Variants in KPNA7 observed in about 807,000 individuals in gnomAD.
KPNA7 encodes importin subunit alpha-8.
In KPNA7, 54 loss-of-function variants were observed where a neutral mutation model predicts 53.7. The observed-to-expected ratio is 1.01, with a 90% CI of 0.81 to 1.26. The LOEUF is 1.26. Ranked by LOEUF, KPNA7 falls within the 50% of genes most tolerant of loss-of-function variation. The probability of loss-of-function intolerance (pLI) is 0.00; values close to 1 mark genes in which losing one functional copy is unlikely to be tolerated. For missense variants in KPNA7, 640 were observed against 644.5 expected, an observed-to-expected ratio of 0.99 and a Z score of 0.07; for synonymous variants, 276 against 259.3, an observed-to-expected ratio of 1.06 and a Z score of -0.62.
At chr7:99,195,004 A>G in intron 5 of KPNA7, 66 bp downstream of exon 5, 1 of 1,500,670 alleles carries the variant, frequency 6.7e-7, no homozygotes, top group Non-Finnish European at 9.0e-7. Flanking sequence ...CCACCACCCA[A>G]AGAAACCTTA....
At chr7:99,167,443 T>C in the KPNA7 span, among the ~76,000 whole-genome samples, 1 of 152,094 alleles carries the variant, frequency 6.6e-6, no homozygotes, top group African/African-American at 2.4e-5. Flanking sequence ...GAACTGTACA[T>C]GCAAGGGATC....
chr7:99,190,265 A>G (rs1197810153), intron 6 of KPNA7, among the ~76,000 whole-genome samples: 1 of 148,318 alleles, frequency 6.7e-6, no homozygotes, highest in Non-Finnish European at 1.5e-5. Flanking sequence ...TGAACCCAGG[A>G]GGCGGAGGTT....
intron 2 of KPNA7, among the ~76,000 whole-genome samples, chr7:99,206,206 G>C (rs752996786): frequency 2.6e-5 from 4 of 152,174 alleles, no homozygotes; most frequent in Admixed American, 6.5e-5. Context: ...CTGTCGCCTG[G>C]ATGGAGTGCA....
Position 99,184,154 on chromosome 7 carries a change from CTTT to C in KPNA7, c.1134+772_1134+774del, listed in dbSNP as rs34193595. Among the ~76,000 whole-genome samples the C allele has an allele frequency of 3.2e-3, 402 of 125,204 alleles. 3 individuals are homozygous for C. Among genetic ancestry groups the C allele is most frequent in the Non-Finnish European group, 1.9e-3 (118 of 62,180 alleles). The allele number at this position is 125,204 out of a possible 152,430, so 82.1% of individuals were successfully genotyped here. On this transcript the variant is annotated intron_variant, in intron 8 of 10. Coordinates refer to ENST00000327442, the MANE Select transcript of KPNA7 (RefSeq NM_001145715.3). ...ATAAGCCACTGTGCCTGCCCACAACCTTTTTTTTTTTTTTTTTTGAGACAGGGT... is the reference window on the plus strand; with the variant it reads ...ATAAGCCACTGTGCCTGCCCACAACCTTTTTTTTTTTTTTTGAGACAGGGT...
intron 9 of KPNA7, among the ~76,000 whole-genome samples, chr7:99,180,182 C>T (rs533738474): frequency 1.2e-4 from 19 of 152,156 alleles, no homozygotes; most frequent in Admixed American, 3.3e-4. Flanking sequence ...AGTGACTTCC[C>T]GGTCATCGTG....
the KPNA7 span, among the ~76,000 whole-genome samples, chr7:99,160,102 GC>G: frequency 7.5e-6 from 1 of 133,060 alleles, no homozygotes. Context: ...CTGGCTCACT[GC>G]AAGCTCCGCC....
chr7:99,210,240 C>T (rs1791029359), upstream of KPNA7, among the ~76,000 whole-genome samples: 5 of 152,128 alleles, frequency 3.3e-5, no homozygotes, highest in Admixed American at 3.3e-4. Context: ...AGCTGCTCTG[C>T]CCAGGATCTC....
chr7:99,175,388 G>A (rs998526350), intron 10 of KPNA7, among the ~76,000 whole-genome samples: 1 of 152,076 alleles, frequency 6.6e-6, no homozygotes, highest in Non-Finnish European at 1.5e-5. Context: ...GTGTTGCCCA[G>A]GCTGGTCTCG....
At position 99,188,407 on chromosome 7, in the gene KPNA7, G is replaced by A. The variant is rs2150734653; in HGVS notation, c.793C>T (p.Leu265=). Residue 265 remains leucine, a synonymous_variant, in exon 7 of 11, where the codon CTG becomes TTG. Transcript: ENST00000327442. ...SEVLSDACWA[L]SYLTDGSNKR... ...TTGGAGCCGTCGGTGAGGTAGGACA[G>A]TGCCCAGCAGGCATCCGAGAGAACC... The A allele has an allele frequency of 6.4e-7, 1 of 1,551,674 alleles. No homozygotes were observed. The highest frequency in any genetic ancestry group is 2.4e-5 in the East Asian group (1 of 40,912).
intron 6 of KPNA7, among the ~76,000 whole-genome samples, chr7:99,189,861 G>C (rs1170668085): frequency 3.9e-5 from 6 of 152,058 alleles, no homozygotes; most frequent in Non-Finnish European, 8.8e-5. Context: ...CAAAATGCTG[G>C]GATTACAGAC....
rs746637129 is a variant in KPNA7, at chr7:99,203,122, G to GT, written c.184dup (p.Thr62AsnfsTer13). The GT allele has an allele frequency of 1.4e-5, 21 of 1,551,500 alleles. No individual in the cohort carries two copies. Among genetic ancestry groups the GT allele is most frequent in the Non-Finnish European group, 1.7e-5 (20 of 1,146,974 alleles). On this transcript the variant is annotated frameshift_variant, in exon 3 of 11. Transcript: ENST00000327442. LOFTEE classifies it high-confidence loss of function. ...CATACTGACCGCCACCCCTTTGGCTGTTTTTTCAGAAGGTGTGTCAGGGCA... is the reference window on the plus strand; with the variant it reads ...CATACTGACCGCCACCCCTTTGGCTGTTTTTTTCAGAAGGTGTGTCAGGGCA...
intron 2 of KPNA7, among the ~76,000 whole-genome samples, chr7:99,206,896 A>G (rs977209555): frequency 6.6e-6 from 1 of 152,290 alleles, no homozygotes; most frequent in African/African-American, 2.4e-5. Context: ...TGTCTTCTCC[A>G]CCTTTAATAT....
At chr7:99,192,290 T>C (rs973691386) in intron 6 of KPNA7, among the ~76,000 whole-genome samples, 1 of 152,192 alleles carries the variant, frequency 6.6e-6, no homozygotes, top group Admixed American at 6.5e-5. Flanking sequence ...AGTCATCTAT[T>C]TTGCAAGATG....
In KPNA7 at chr7:99,174,959, C is replaced by T. The variant is rs568096047; in HGVS notation, c.1465-1165G>A. 4.0e-5 allele frequency among the ~76,000 whole-genome samples: 6 copies of T among 151,848 alleles called. No individual in the cohort carries two copies. The South Asian group carries it at 8.3e-4, about 21-fold the overall frequency. ...CTGAGTAGCTGGGATTATGAGCACC[C>T]GTCACCACACCCAGCTAATTTTTGT... On this transcript the variant is annotated intron_variant, in intron 10 of 10. Transcript: ENST00000327442.
downstream of KPNA7, among the ~76,000 whole-genome samples, chr7:99,172,254 CTAGAA>C (rs1432698927): frequency 6.6e-6 from 1 of 152,132 alleles, no homozygotes; most frequent in East Asian, 1.9e-4. Context: ...AAAGCATAGA[CTAGAA>C]TAAACAGACC....
At chr7:99,184,256 T>C (rs1175554694) in intron 8 of KPNA7, among the ~76,000 whole-genome samples, 3 of 150,510 alleles carry the variant, frequency 2.0e-5, no homozygotes, top group East Asian at 4.0e-4. Flanking sequence ...CCGGGCTCAA[T>C]TGATCCTCCT....
At chr7:99,179,252 C>T (rs2150704692) in intron 9 of KPNA7, among the ~76,000 whole-genome samples, 2 of 152,154 alleles carry the variant, frequency 1.3e-5, no homozygotes, top group South Asian at 4.2e-4. Flanking sequence ...ATGGTTTTGT[C>T]ACCTATAAAA....
chr7:99,172,790 T>C (rs936213933), downstream of KPNA7, among the ~76,000 whole-genome samples: 13 of 151,776 alleles, frequency 8.6e-5, no homozygotes, highest in East Asian at 3.9e-4. Flanking sequence ...AGACCAGGCA[T>C]GTTGGCTCAC....
the KPNA7 span, among the ~76,000 whole-genome samples, chr7:99,149,959 C>T: frequency 3.3e-5 from 5 of 151,810 alleles, no homozygotes; most frequent in Non-Finnish European, 7.4e-5. Context: ...CCACCATGCC[C>T]GGCTAATTTT....
Sources: allele counts gnomAD v4.1 joint callset (sites outside exome capture counted in the v4.1 genomes callset), GRCh38; gene constraint gnomAD v4.1.1; transcripts MANE v1.5; gene names NCBI Gene and HGNC (gene_info 2026-07-23, HGNC 2026-07-21).